Variants in RAD21L1 observed in about 807,000 individuals in gnomAD.
RAD21L1 encodes double-strand-break repair protein rad21-like protein 1.
A neutral mutation model predicts 69.0 loss-of-function variants in RAD21L1; 47 were observed. The observed-to-expected ratio is 0.68, with a 90% CI of 0.54 to 0.87. The LOEUF is 0.87. Among genes scored for constraint, RAD21L1 ranks in the 40% least tolerant of loss-of-function variants. The pLI, the probability that RAD21L1 is intolerant of heterozygous loss-of-function variation, is 0.00. For synonymous variants in RAD21L1, 177 were observed against 205.8 expected, an observed-to-expected ratio of 0.86 and a Z score of 1.20; for missense variants, 583 against 647.6, an observed-to-expected ratio of 0.90 and a Z score of 1.08.
intron 5 of RAD21L1, among the ~76,000 whole-genome samples, chr20:1,235,562 T>G (rs998083164): frequency 1.3e-5 from 2 of 152,244 alleles, no homozygotes; most frequent in Non-Finnish European, 2.9e-5. Context: ...TAAAACTTTC[T>G]GAAAATGTGC....
chr20:1,236,255 T>C (rs1258462495), intron 5 of RAD21L1, among the ~76,000 whole-genome samples: 4 of 152,226 alleles, frequency 2.6e-5, no homozygotes, highest in African/African-American at 7.2e-5. Flanking sequence ...CTCCAGTCTC[T>C]TCCCACATTT....
intron 1 of RAD21L1, among the ~76,000 whole-genome samples, chr20:1,227,628 A>G (rs1046861705): frequency 1.3e-5 from 2 of 152,250 alleles, no homozygotes; most frequent in Non-Finnish European, 2.9e-5. Flanking sequence ...CCAAAGTGCT[A>G]TAACATCCCT....
In RAD21L1 at chr20:1,226,050, G is replaced by T. The variant is rs1193716012; in HGVS notation, c.-123G>T. On this transcript the variant is annotated 5_prime_UTR_variant, in exon 1 of 14. Transcript: ENST00000683101. The stretch of plus-strand genomic sequence containing the variant: ...CCCGCGCCTGCCGCGCATTGCAGAC[G>T]CCCAGCGGCGCCAAGAACCCGGCCA... The T allele has an allele frequency of 1.2e-4, 11 of 91,090 alleles. No individual in the cohort carries two copies. Among genetic ancestry groups the T allele is most frequent in the African/African-American group, 4.2e-4 (8 of 19,230 alleles). 5.6% of individuals were successfully genotyped at this position (91,090 alleles called of 1,614,324 possible). A position where few individuals can be genotyped will look rare whatever the true frequency, so the allele number is the denominator to read the frequency against.
In RAD21L1 at chr20:1,243,096, G is replaced by C. The variant is rs1469516944; in HGVS notation, c.1084-1G>C. 6.6e-7 allele frequency: 1 copy of C among 1,510,524 alleles called. No homozygotes were observed. The highest frequency in any genetic ancestry group is 8.9e-7 in the Non-Finnish European group (1 of 1,126,994). 93.6% of individuals were successfully genotyped at this position (1,510,524 alleles called of 1,614,324 possible). On this transcript the variant is annotated splice_acceptor_variant, in intron 9 of 13. Transcript: ENST00000683101. LOFTEE classifies it high-confidence loss of function. ...AAAAACAAAAATGTGTATTTTTACA[G>C]TTGTTTACAAAATGCTTTCTGTCCT...
At chr20:1,253,605 G>A (rs1468298669) in intron 13 of RAD21L1, among the ~76,000 whole-genome samples, 1 of 152,062 alleles carries the variant, frequency 6.6e-6, no homozygotes, top group Admixed American at 6.6e-5. Flanking sequence ...CCGCACTGCA[G>A]TATTTCTAAC....
At chr20:1,241,355 G>T (rs982577748) in intron 8 of RAD21L1, among the ~76,000 whole-genome samples, 4 of 152,180 alleles carry the variant, frequency 2.6e-5, no homozygotes, top group African/African-American at 4.8e-5. Context: ...TATTTTTAGG[G>T]ATAAGTAGTA....
At chr20:1,240,780 G>T (rs2087591736) in intron 8 of RAD21L1, among the ~76,000 whole-genome samples, 1 of 152,162 alleles carries the variant, frequency 6.6e-6, no homozygotes. Context: ...ATGACCCAAT[G>T]ATTCCTACTC....
Position 1,234,082 on chromosome 20 carries a change from T to C in RAD21L1, c.369-3T>C. The C allele has an allele frequency of 7.2e-7, 1 of 1,391,420 alleles. No homozygotes were observed. The highest frequency in any genetic ancestry group is 1.3e-5 in the South Asian group (1 of 77,378). The allele number at this position is 1,391,420 out of a possible 1,614,324, so 86.2% of individuals were successfully genotyped here. A position where few individuals can be genotyped will look rare whatever the true frequency, so the allele number is the denominator to read the frequency against. On this transcript the variant is annotated splice_polypyrimidine_tract_variant and splice_region_variant and intron_variant, in intron 4 of 13. Coordinates refer to ENST00000683101, the MANE Select transcript of RAD21L1 (RefSeq NM_001384355.1). ...TTTTTCTCAACCTTCTATTTCTCCA[T>C]AGTGCTATTGATGTTTCAGAACACT...
chr20:1,235,307 C>T (rs539136762), intron 5 of RAD21L1, among the ~76,000 whole-genome samples: 1 of 152,214 alleles, frequency 6.6e-6, no homozygotes, highest in Non-Finnish European at 1.5e-5. Context: ...AGCGACATCT[C>T]TAACCTCAGC....
intron 13 of RAD21L1, among the ~76,000 whole-genome samples, chr20:1,253,530 CA>C (rs1176094815): frequency 1.3e-5 from 2 of 152,206 alleles, no homozygotes; most frequent in East Asian, 3.9e-4. Context: ...CTCTTGACTG[CA>C]AGCGATCTGC....
intron 1 of RAD21L1, among the ~76,000 whole-genome samples, chr20:1,228,085 A>G (rs2122756389): frequency 6.6e-6 from 1 of 152,254 alleles, no homozygotes; most frequent in Admixed American, 6.5e-5. Flanking sequence ...TCCATATCTT[A>G]TATTTTCAGC....
chr20:1,227,394 G>A (rs77872426), intron 1 of RAD21L1, among the ~76,000 whole-genome samples: 4,633 of 152,348 alleles, frequency 0.03, 108 homozygotes, highest in Non-Finnish European at 0.047. Flanking sequence ...GGCGGATTGC[G>A]TCACCTTTAG....
chr20:1,251,329 AT>A (rs557845337), intron 13 of RAD21L1, among the ~76,000 whole-genome samples: 5 of 146,214 alleles, frequency 3.4e-5, no homozygotes, highest in African/African-American at 1.3e-4. Flanking sequence ...TATTGTTATT[AT>A]TATTATCCCG....
intron 4 of RAD21L1, among the ~76,000 whole-genome samples, chr20:1,233,127 G>A (rs2087425362): frequency 6.6e-6 from 1 of 152,146 alleles, no homozygotes; most frequent in Non-Finnish European, 1.5e-5. Context: ...CCCAATCTAA[G>A]TTATTTTATT....
chr20:1,246,940 T>TA lies in RAD21L1; in HGVS notation c.1401+640dup, dbSNP rs927841586. On this transcript the variant is annotated intron_variant, in intron 12 of 13. Coordinates refer to ENST00000683101, the MANE Select transcript of RAD21L1 (RefSeq NM_001384355.1). This position sits in a 1 kb window ranked among gnomAD's most constrained non-coding sequence, Gnocchi z 4.6. Reference sequence around the variant, plus strand: ...AGTAAAAGTTTTTTAGTAAATAATATAAAAACACCTAGTAAGCCTGATGTT... The same window carrying TA: ...AGTAAAAGTTTTTTAGTAAATAATATAAAAAACACCTAGTAAGCCTGATGTT... 2.6e-5 allele frequency among the ~76,000 whole-genome samples: 4 copies of TA among 152,182 alleles called. No individual in the cohort carries two copies. Among genetic ancestry groups the TA allele is most frequent in the Admixed American group, 2.6e-4 (4 of 15,262 alleles).
In RAD21L1 at chr20:1,239,397, T is replaced by A. The variant is rs1040319969; in HGVS notation, c.732T>A (p.Asn244Lys). The A allele has an allele frequency of 5.2e-6, 8 of 1,540,084 alleles. No individual in the cohort carries two copies. Among genetic ancestry groups the A allele is most frequent in the Non-Finnish European group, 7.0e-6 (8 of 1,136,794 alleles). ...REISLPSEPP[N>K]SLAVEPDNSE... ...TTTCCCTGCCTTCTGAGCCTCCCAA[T>A]AGTTTAGCAGGTAGGTTGAAATTTT... The change falls in exon 7 of 14, where the codon AAT (asparagine) becomes AAA (lysine). Residue 244 changes from asparagine (N) to lysine (K), a missense_variant. Coordinates refer to ENST00000683101, the MANE Select transcript of RAD21L1 (RefSeq NM_001384355.1).
rs765228824 is a variant in RAD21L1, at chr20:1,244,147, A to G, written c.1285A>G (p.Thr429Ala). The G allele has an allele frequency of 6.5e-7, 1 of 1,544,594 alleles. No individual in the cohort carries two copies. The highest frequency in any genetic ancestry group is 8.8e-7 in the Non-Finnish European group (1 of 1,142,554). The change falls in exon 11 of 14, where the codon ACC becomes GCC. Residue 429 changes from threonine to alanine, a missense_variant. Physicochemically the swap from Thr to Ala is moderately conservative, Grantham distance 58 (BLOSUM62 0). Coordinates refer to ENST00000683101, the MANE Select transcript of RAD21L1 (RefSeq NM_001384355.1). The part of the protein sequence containing the change: ...GGSQHSSHED[T>A]NKNINSEDIV... ...ATCTCAGCATAGCTCTCATGAGGATACCAATAAAAATATTAACTCTGAGGT... is the reference window on the plus strand; with the variant it reads ...ATCTCAGCATAGCTCTCATGAGGATGCCAATAAAAATATTAACTCTGAGGT...
chr20:1,235,065 A>G (rs1031558873), intron 5 of RAD21L1, among the ~76,000 whole-genome samples: 2 of 152,148 alleles, frequency 1.3e-5, no homozygotes, highest in South Asian at 2.1e-4. Flanking sequence ...AATGGAAGCA[A>G]TATGGTGTAA....
In RAD21L1 at chr20:1,238,080, T is replaced by G; in HGVS notation, c.512T>G (p.Phe171Cys). ...GAAATTCTCAGAAGACATAGCTTCTTTGATGACAACATATTACTGAATTCC... is the reference window on the plus strand; with the variant it reads ...GAAATTCTCAGAAGACATAGCTTCTGTGATGACAACATATTACTGAATTCC... ...ESEILRRHSF[F>C]DDNILLNSSG... is the part of the protein sequence containing the mutation. Residue 171 changes from phenylalanine to cysteine, a missense_variant, in exon 6 of 14, where the codon TTT (phenylalanine) becomes TGT (cysteine). Physicochemically the swap from Phe to Cys is radical, Grantham distance 205. Transcript: ENST00000683101. 6.5e-7 allele frequency: 1 copy of G among 1,534,534 alleles called. No individual in the cohort carries two copies. The highest frequency in any genetic ancestry group is 8.8e-7 in the Non-Finnish European group (1 of 1,135,454).
Sources: allele counts gnomAD v4.1 joint callset (sites outside exome capture counted in the v4.1 genomes callset), GRCh38; gene constraint gnomAD v4.1.1; non-coding constraint Gnocchi (gnomAD v3.1); transcripts MANE v1.5; gene names NCBI Gene and HGNC (gene_info 2026-07-23, HGNC 2026-07-21).